Variants in MYCBP2 observed in about 807,000 individuals in gnomAD.
MYCBP2 encodes E3 ubiquitin-protein ligase MYCBP2.
A neutral mutation model predicts 525.3 loss-of-function variants in MYCBP2; 120 were observed. The ratio of observed to expected loss-of-function variants is 0.23; its 90% CI spans 0.20 to 0.27. The LOEUF (loss-of-function observed/expected upper bound fraction) is 0.27. MYCBP2 is among the 10% of genes least tolerant of loss of function. MYCBP2 has a pLI of 1.00. For missense variants in MYCBP2, 4,149 were observed against 5,657.1 expected (o/e 0.73, Z 8.55); for synonymous variants, 1,894 against 1,955.8 (o/e 0.97, Z 0.83).
At chr13:77,105,602 A>G (rs762389281) in intron 55 of MYCBP2, among the ~76,000 whole-genome samples, 17 of 151,944 alleles carry the variant, frequency 1.1e-4, no homozygotes, top group Non-Finnish European at 2.2e-4. Context: ...AGATACATTG[A>G]TATCTATACA....
rs146860872 is a variant in MYCBP2, at chr13:77,125,174, T to C, written c.8017+162A>G. Among the ~76,000 whole-genome samples, 540 of 152,360 alleles carry C rather than the reference T, an allele frequency of 3.5e-3. 5 individuals carry two copies. Among genetic ancestry groups the C allele is most frequent in the African/African-American group, 0.012 (518 of 41,582 alleles). ...ATGTGCATTAAGTACTCACGTATTT[T>C]ACAAACCAATTTTAACAGTTGCAAG... On this transcript the variant is annotated intron_variant, in intron 54 of 82. Coordinates refer to ENST00000544440, the MANE Select transcript of MYCBP2 (RefSeq NM_015057.5).
chr13:77,269,009 G>C (rs1446700485), intron 7 of MYCBP2, among the ~76,000 whole-genome samples: 1 of 152,266 alleles, frequency 6.6e-6, no homozygotes, highest in East Asian at 1.9e-4. Flanking sequence ...GGTAGGTACT[G>C]TATGGAAAAA....
intron 60 of MYCBP2, among the ~76,000 whole-genome samples, chr13:77,089,806 T>C (rs1421883846): frequency 6.6e-6 from 1 of 152,056 alleles, no homozygotes; most frequent in Non-Finnish European, 1.5e-5. Flanking sequence ...CCACAAAAGT[T>C]TAGTGGAAGG....
intron 65 of MYCBP2, among the ~76,000 whole-genome samples, chr13:77,080,328 T>A (rs982734082): frequency 1.3e-5 from 2 of 152,116 alleles, no homozygotes; most frequent in Non-Finnish European, 2.9e-5. Context: ...AAAGGAAATA[T>A]GCAAATGGCA....
chr13:77,191,580 T>C, intron 28 of MYCBP2, 99 bp downstream of exon 28: 1 of 1,401,288 alleles, frequency 7.1e-7, no homozygotes, highest in East Asian at 2.4e-5. Context: ...CTAGTCTTCC[T>C]AAGCTTTTGA....
chr13:77,172,515 G>C (rs2059243658), intron 37 of MYCBP2, among the ~76,000 whole-genome samples: 1 of 152,170 alleles, frequency 6.6e-6, no homozygotes. Context: ...GATTGTAGGA[G>C]ACCAATAGTG....
chr13:77,068,514 C>A, intron 70 of MYCBP2, 51 bp downstream of exon 70: 1 of 1,577,008 alleles, frequency 6.3e-7, no homozygotes, highest in South Asian at 1.2e-5. Context: ...CAACTTTTAA[C>A]AATGTTTCAA....
intron 26 of MYCBP2, among the ~76,000 whole-genome samples, chr13:77,197,516 T>C (rs1004480055): frequency 1.3e-5 from 2 of 152,102 alleles, no homozygotes; most frequent in African/African-American, 4.8e-5. Flanking sequence ...TACATGAAAA[T>C]GCATCAAAGA....
chr13:77,058,868 C>T lies in MYCBP2; in HGVS notation c.13141-462G>A, dbSNP rs111738158. Among the ~76,000 whole-genome samples the T allele has an allele frequency of 4.9e-4, 74 of 152,162 alleles. 2 individuals are homozygous for T. The highest frequency in any genetic ancestry group is 1.6e-4 in the Non-Finnish European group (11 of 67,990). On this transcript the variant is annotated intron_variant, in intron 77 of 82. Coordinates refer to ENST00000544440, the MANE Select transcript of MYCBP2 (RefSeq NM_015057.5). This position sits in a 1 kb window ranked among gnomAD's most constrained non-coding sequence, Gnocchi z 4.1. ...GGCATGGTGGCGCGCGCCTGTAATC[C>T]CAGCTACTTAGGAAGCTGAGGCAGG...
chr13:77,286,625 A>G (rs2076799909), intron 3 of MYCBP2, among the ~76,000 whole-genome samples: 1 of 147,904 alleles, frequency 6.8e-6, no homozygotes, highest in Non-Finnish European at 1.5e-5. Flanking sequence ...GCGCGGTGGC[A>G]GGTGCCTGTA....
At position 77,158,121 on chromosome 13, in the gene MYCBP2, A is replaced by C; in HGVS notation, c.6598-12T>G. The C allele has an allele frequency of 1.3e-6, 2 of 1,520,064 alleles. No individual in the cohort carries two copies. Among genetic ancestry groups the C allele is most frequent in the Non-Finnish European group, 1.8e-6 (2 of 1,135,254 alleles). The allele number at this position is 1,520,064 out of a possible 1,614,324, so 94.2% of individuals were successfully genotyped here. On this transcript the variant is annotated splice_polypyrimidine_tract_variant and intron_variant, in intron 44 of 82. Coordinates refer to ENST00000544440, the MANE Select transcript of MYCBP2 (RefSeq NM_015057.5). Reference sequence around the variant, plus strand: ...TGGGTTTTGCACACCTGTTAAGTAAAAAAGAATATTTATATATTCTTAAAA... The same window carrying C: ...TGGGTTTTGCACACCTGTTAAGTAACAAAGAATATTTATATATTCTTAAAA...
At position 77,225,530 on chromosome 13, in the gene MYCBP2, T is replaced by C; in HGVS notation, c.2762A>G (p.Lys921Arg). 1 of 1,613,360 alleles carries C rather than the reference T, an allele frequency of 6.2e-7. No individual in the cohort carries two copies. Among genetic ancestry groups the C allele is most frequent in the Non-Finnish European group, 8.5e-7 (1 of 1,179,468 alleles). Residue 921 changes from lysine (K) to arginine (R), a missense_variant, in exon 19 of 83, where the codon AAG (lysine) becomes AGG (arginine). Lys to Arg is a conservative substitution (Grantham distance 26). Coordinates refer to ENST00000544440, the MANE Select transcript of MYCBP2 (RefSeq NM_015057.5). ...HKDGSGERGE[K>R]DASKITTYPP... is the part of the protein sequence containing the mutation. ...GTATGTTGTGATTTTGCTTGCATCC[T>C]TTTCGCCTCTTTCTCCACTTCCATC... is the stretch of plus-strand genomic sequence containing the variant.
chr13:77,260,339 AC>A, intron 13 of MYCBP2, 88 bp downstream of exon 13: 1 of 873,154 alleles, frequency 1.1e-6, no homozygotes, highest in Non-Finnish European at 1.6e-6. Flanking sequence ...AAAGCATGCC[AC>A]CAACATAAAT....
intron 52 of MYCBP2, among the ~76,000 whole-genome samples, chr13:77,132,070 T>A (rs2052978660): frequency 1.3e-5 from 2 of 152,180 alleles, no homozygotes; most frequent in Non-Finnish European, 2.9e-5. Flanking sequence ...CAATCTTAAT[T>A]TAACTGTTTT....
chr13:77,068,811 T>C lies in MYCBP2; in HGVS notation c.11925A>G (p.Gln3975=), dbSNP rs1249786149. ...CTCTGGTAGCTTCCATGCGAATAGC[T>C]TGGACAATATGAGCACACACCTATT... ...LQKQVCAHIV[Q]AIRMEATRVR... Residue 3975 remains glutamine (Q), a synonymous_variant, in exon 70 of 83, where the codon CAA becomes CAG. Coordinates refer to ENST00000544440, the MANE Select transcript of MYCBP2 (RefSeq NM_015057.5). 9 of 1,614,010 alleles carry C rather than the reference T, an allele frequency of 5.6e-6. No individual in the cohort carries two copies.
chr13:77,236,933 C>T (rs1380790142), intron 17 of MYCBP2, among the ~76,000 whole-genome samples: 2 of 151,914 alleles, frequency 1.3e-5, no homozygotes, highest in Non-Finnish European at 2.9e-5. Context: ...TAGAGGAAAA[C>T]ACTACTCTTA....
chr13:77,295,492 C>T (rs1423611204), intron 2 of MYCBP2, among the ~76,000 whole-genome samples: 2 of 152,188 alleles, frequency 1.3e-5, no homozygotes, highest in Non-Finnish European at 2.9e-5. Context: ...CAAATAAATG[C>T]CATCCCCCAA....
At position 77,139,307 on chromosome 13, in the gene MYCBP2, C is replaced by A. The variant is rs1243099266; in HGVS notation, c.7548G>T (p.Arg2516Ser). The change falls in exon 52 of 83, where the codon AGG becomes AGT. Residue 2516 changes from arginine (R) to serine (S), a missense_variant. Physicochemically the swap from Arg to Ser is moderately radical, Grantham distance 110. Coordinates refer to ENST00000544440, the MANE Select transcript of MYCBP2 (RefSeq NM_015057.5). ...EIHNDDGVWL[R>S]LNDETIKKYV... is the part of the protein sequence containing the mutation. ...ACTTCTTTATTGTCTCATCATTCAG[C>A]CTCAGCCACACACCATCATCATTAT... is the stretch of plus-strand genomic sequence containing the variant. 6.2e-7 allele frequency: 1 copy of A among 1,613,420 alleles called. No individual in the cohort carries two copies. The highest frequency in any genetic ancestry group is 8.5e-7 in the Non-Finnish European group (1 of 1,179,630).
chr13:77,264,191 T>G (rs1409538991), intron 8 of MYCBP2, among the ~76,000 whole-genome samples, 189 bp from the exon 9 acceptor site: 1 of 152,114 alleles, frequency 6.6e-6, no homozygotes, highest in Non-Finnish European at 1.5e-5. Context: ...TATTACATTT[T>G]TGCTTATATT....
Sources: allele counts gnomAD v4.1 joint callset (sites outside exome capture counted in the v4.1 genomes callset), GRCh38; gene constraint gnomAD v4.1.1; non-coding constraint Gnocchi (gnomAD v3.1); transcripts MANE v1.5; gene names NCBI Gene and HGNC (gene_info 2026-07-23, HGNC 2026-07-21).